Variants in LRRD1 observed in about 807,000 individuals in gnomAD.
LRRD1 encodes leucine rich repeats and death domain containing 1.
LRRD1 carries 49 observed loss-of-function variants against 69.5 expected under a neutral mutation model. The observed-to-expected ratio is 0.70, with a 90% confidence interval of 0.56 to 0.89. The LOEUF (loss-of-function observed/expected upper bound fraction) is 0.89. LRRD1 is among the 40% of genes least tolerant of loss of function. The probability of loss-of-function intolerance (pLI) is 0.00; values close to 1 mark genes in which losing one functional copy is unlikely to be tolerated. For synonymous variants in LRRD1, 303 were observed against 338.9 expected, an observed-to-expected ratio of 0.89 and a Z score of 1.16; for missense variants, 853 against 956.0, an observed-to-expected ratio of 0.89 and a Z score of 1.42.
At chr7:92,152,817 C>A (rs116270643) in intron 3 of LRRD1, among the ~76,000 whole-genome samples, 1 of 151,866 alleles carries the variant, frequency 6.6e-6, no homozygotes, top group African/African-American at 2.4e-5. Context: ...ACTATAGGTG[C>A]GTGCCACCAC....
intron 1 of LRRD1, among the ~76,000 whole-genome samples, chr7:92,178,330 A>G (rs1789240441): frequency 6.6e-6 from 1 of 150,402 alleles, no homozygotes; most frequent in South Asian, 2.1e-4. Flanking sequence ...CAAACAAAAA[A>G]CTATATGAAA....
intron 2 of LRRD1, among the ~76,000 whole-genome samples, chr7:92,162,133 A>G (rs1437434494): frequency 6.6e-6 from 1 of 152,226 alleles, no homozygotes; most frequent in African/African-American, 2.4e-5. Flanking sequence ...AAGCTGTATC[A>G]TTATTCATTC....
At chr7:92,175,199 T>C (rs1224363344) in intron 1 of LRRD1, among the ~76,000 whole-genome samples, 1 of 152,222 alleles carries the variant, frequency 6.6e-6, no homozygotes, top group Non-Finnish European at 1.5e-5. Flanking sequence ...AGTATTTAGG[T>C]TTGTAATCTT....
chr7:92,154,664 TTA>T (rs1254995966), intron 3 of LRRD1, among the ~76,000 whole-genome samples: 4 of 152,210 alleles, frequency 2.6e-5, no homozygotes, highest in Admixed American at 2.0e-4. Context: ...GGTAATATTT[TTA>T]TATAGTGTGT....
At chr7:92,158,642 G>C (rs886945981) in intron 3 of LRRD1, among the ~76,000 whole-genome samples, 39 of 152,112 alleles carry the variant, frequency 2.6e-4, no homozygotes, top group African/African-American at 8.7e-4. Context: ...TATAGGAGAA[G>C]TATCAGGGGA....
At chr7:92,152,960 G>T (rs11976412) in intron 3 of LRRD1, among the ~76,000 whole-genome samples, 1 of 151,968 alleles carries the variant, frequency 6.6e-6, no homozygotes, top group Non-Finnish European at 1.5e-5. Context: ...GAGCCACCGC[G>T]CCCAGCCTAA....
intron 4 of LRRD1, 39 bp downstream of exon 4, chr7:92,150,495 A>G: frequency 7.0e-7 from 1 of 1,435,266 alleles, no homozygotes; most frequent in South Asian, 1.6e-5. Flanking sequence ...AAAATAAAAA[A>G]GAAATGACTT....
At chr7:92,142,524 G>T (rs1287395776), downstream of LRRD1, 1 of 456,682 alleles carries the variant, frequency 2.2e-6, no homozygotes, top group Non-Finnish European at 4.4e-6. Flanking sequence ...AACTGTTAAT[G>T]GCCTGGCTTA....
At chr7:92,143,418 G>A (rs1584646493), downstream of LRRD1, among the ~76,000 whole-genome samples, 2 of 50,414 alleles carry the variant, frequency 4.0e-5, no homozygotes, top group African/African-American at 1.3e-4. Flanking sequence ...CATGGAACCG[G>A]GGGCGGCACT....
intron 3 of LRRD1, among the ~76,000 whole-genome samples, chr7:92,152,214 TAC>T (rs1286220969): frequency 2.6e-5 from 4 of 151,226 alleles, no homozygotes; most frequent in Admixed American, 1.3e-4. Context: ...TATGTATATA[TAC>T]ACACACATAC....
chr7:92,176,752 G>T (rs1404577136), intron 1 of LRRD1, among the ~76,000 whole-genome samples: 1 of 151,688 alleles, frequency 6.6e-6, no homozygotes, highest in Admixed American at 6.6e-5. Context: ...TAGTAGAGAT[G>T]GGGTTTCTGC....
chr7:92,160,630 T>C (rs1688565980), intron 2 of LRRD1, among the ~76,000 whole-genome samples: 1 of 152,030 alleles, frequency 6.6e-6, no homozygotes, highest in South Asian at 2.1e-4. Flanking sequence ...CCGACCAACA[T>C]GGTGAAACCC....
intron 3 of LRRD1, 72 bp from the exon 4 acceptor site, chr7:92,150,767 TA>T: frequency 8.8e-7 from 1 of 1,138,862 alleles, no homozygotes; most frequent in Non-Finnish European, 1.2e-6. Context: ...TAACATCTGT[TA>T]TGTCTTGCTG....
chr7:92,159,923 A>G (rs1426857349), intron 2 of LRRD1, among the ~76,000 whole-genome samples: 1 of 152,024 alleles, frequency 6.6e-6, no homozygotes, highest in Non-Finnish European at 1.5e-5. Context: ...ACCAGGCCCC[A>G]TTGCTTTTTA....
chr7:92,153,994 G>A (rs1218731481), intron 3 of LRRD1, among the ~76,000 whole-genome samples: 3 of 151,244 alleles, frequency 2.0e-5, no homozygotes, highest in South Asian at 2.1e-4. Flanking sequence ...CTGCCACCAC[G>A]CCTGGCTAAT....
At chr7:92,161,238 T>A (rs990633351) in intron 2 of LRRD1, among the ~76,000 whole-genome samples, 1 of 152,276 alleles carries the variant, frequency 6.6e-6, no homozygotes, top group African/African-American at 2.4e-5. Flanking sequence ...TCTGCTATTA[T>A]ATAAGTTAAT....
rs985785921 is a variant in LRRD1 at position 92,159,128 on chromosome 7, C to G, written c.1993G>C (p.Glu665Gln). 2 of 1,547,152 alleles carry G rather than the reference C, an allele frequency of 1.3e-6. No individual in the cohort carries two copies. Among genetic ancestry groups the G allele is most frequent in the African/African-American group, 2.7e-5 (2 of 72,834 alleles). Residue 665 changes from glutamate to glutamine, a missense_variant, in exon 3 of 6, where the codon GAG becomes CAG. By Grantham distance (29) the Glu-to-Gln change is conservative. Coordinates refer to ENST00000458448, the MANE Select transcript of LRRD1 (RefSeq NM_001161528.2). ...AATTCTCCTATATTTCTTGGAATCT[C>G]TCTGATTGCATTATTTGAGATATCA... ...ELDISNNAIR[E>Q]IPRNIGELRN...
At chr7:92,145,148 A>T in intron 5 of LRRD1, 74 bp from the exon 6 acceptor site, 2 of 803,128 alleles carry the variant, frequency 2.5e-6, no homozygotes, top group South Asian at 1.1e-4. Context: ...ACTGATAATT[A>T]TCTGAATTGT....
At chr7:92,158,951 A>G (rs1334666460) in intron 3 of LRRD1, 54 bp downstream of exon 3, 1 of 1,425,894 alleles carries the variant, frequency 7.0e-7, no homozygotes, top group African/African-American at 1.5e-5. Context: ...TTTGCAACTC[A>G]GACATTAATA....
Sources: gnomAD v4.1 joint callset for allele counts (sites outside exome capture counted in the v4.1 genomes callset) on GRCh38, gnomAD v4.1.1 for gene constraint, MANE v1.5 for transcripts, NCBI Gene and HGNC (gene_info 2026-07-23, HGNC 2026-07-21) for gene names.